PRELID2: variants seen among roughly 807,000 people sequenced by gnomAD.
The protein encoded by PRELID2 is PRELI domain containing 2.
PRELID2 carries 25 observed loss-of-function variants against 28.4 expected under a neutral mutation model. The ratio of observed to expected loss-of-function variants is 0.88; its 90% CI spans 0.64 to 1.23. The LOEUF (loss-of-function observed/expected upper bound fraction) is 1.23. PRELID2 is among the 50% of genes most tolerant of loss of function. The probability of loss-of-function intolerance (pLI) is 0.00; values close to 1 mark genes in which losing one functional copy is unlikely to be tolerated. For missense variants in PRELID2, 201 were observed against 214.4 expected (o/e 0.94, Z 0.39); for synonymous variants, 76 against 71.6 (o/e 1.06, Z -0.31).
intron 4 of PRELID2, among the ~76,000 whole-genome samples, chr5:145,797,218 T>C (rs1420169977): frequency 3.9e-5 from 6 of 152,162 alleles, no homozygotes; most frequent in South Asian, 2.1e-4. Flanking sequence ...CAAGCCTTCA[T>C]TACCCTGAGA....
At chr5:145,364,733 C>A in the PRELID2 span, among the ~76,000 whole-genome samples, 4 of 152,040 alleles carry the variant, frequency 2.6e-5, no homozygotes, top group African/African-American at 7.2e-5. Flanking sequence ...TATATGCAGA[C>A]AACACTTGGA....
the PRELID2 span, among the ~76,000 whole-genome samples, chr5:145,371,044 T>C: frequency 1.3e-5 from 2 of 152,106 alleles, no homozygotes; most frequent in African/African-American, 4.8e-5. Flanking sequence ...AAATATACAA[T>C]CATGTCATCT....
chr5:145,641,646 T>A (rs979058205), intron 1 of PRELID2, among the ~76,000 whole-genome samples: 1 of 152,200 alleles, frequency 6.6e-6, no homozygotes, highest in African/African-American at 2.4e-5. Flanking sequence ...TTTCTTCTAA[T>A]GCTATCCCTC....
chr5:145,653,766 T>C (rs570243120), intron 1 of PRELID2, among the ~76,000 whole-genome samples: 1 of 152,334 alleles, frequency 6.6e-6, no homozygotes, highest in Non-Finnish European at 1.5e-5. Context: ...GAGGGAAATT[T>C]ATAGCATTAA....
chr5:145,548,805 C>G (rs1231538021), intron 1 of PRELID2, among the ~76,000 whole-genome samples: 1 of 152,198 alleles, frequency 6.6e-6, no homozygotes, highest in African/African-American at 2.4e-5. Context: ...AAAGAGCTAA[C>G]TGCATCTCTT....
chr5:145,536,908 AC>A lies in PRELID2; in HGVS notation n.71-63594del, dbSNP rs531901497. On this transcript the variant is annotated intron_variant and non_coding_transcript_variant, in intron 1 of 2. Transcript: ENST00000510259. ...CACATTCACAGGAAGTCTAAATTAA[AC>A]AGAAGAAAGTAGAAGTTACAAGAAC... Among the ~76,000 whole-genome samples, 1,025 of 151,976 alleles carry A rather than the reference AC, an allele frequency of 6.7e-3. 13 individuals carry two copies. The highest frequency in any genetic ancestry group is 0.024 in the African/African-American group (988 of 41,514).
At chr5:145,676,233 A>T (rs879602532) in intron 1 of PRELID2, among the ~76,000 whole-genome samples, 7 of 149,048 alleles carry the variant, frequency 4.7e-5, no homozygotes, top group South Asian at 2.1e-4. Context: ...AAAAAAAAAA[A>T]AAAAAAAAAT....
intron 1 of PRELID2, among the ~76,000 whole-genome samples, chr5:145,740,052 T>TA (rs1177738170): frequency 1.3e-5 from 2 of 150,638 alleles, no homozygotes; most frequent in Non-Finnish European, 3.0e-5. Context: ...AAGAGTGGCT[T>TA]AAAAACCATG....
chr5:145,498,333 A>G (rs753710463), intron 1 of PRELID2, among the ~76,000 whole-genome samples: 1 of 152,204 alleles, frequency 6.6e-6, no homozygotes, highest in Non-Finnish European at 1.5e-5. Flanking sequence ...AATATGATAT[A>G]TGTTAACTGA....
chr5:145,511,229 G>A (rs1249008276), intron 1 of PRELID2, among the ~76,000 whole-genome samples: 2 of 152,210 alleles, frequency 1.3e-5, no homozygotes, highest in Admixed American at 6.5e-5. Context: ...TGATCTTCAA[G>A]AAATGCACAT....
intron 1 of PRELID2, among the ~76,000 whole-genome samples, chr5:145,512,718 C>T (rs1752472331): frequency 6.6e-6 from 1 of 152,206 alleles, no homozygotes; most frequent in African/African-American, 2.4e-5. Context: ...GGTCAACCGA[C>T]ACCTCATACA....
At chr5:145,295,546 C>CA in the PRELID2 span, among the ~76,000 whole-genome samples, 29 of 152,196 alleles carry the variant, frequency 1.9e-4, no homozygotes, top group Non-Finnish European at 3.7e-4. Flanking sequence ...TAGTACAGAA[C>CA]ACAAGGCAAC....
chr5:145,236,800 C>T, the PRELID2 span, among the ~76,000 whole-genome samples: 1 of 152,130 alleles, frequency 6.6e-6, no homozygotes, highest in Non-Finnish European at 1.5e-5. Flanking sequence ...GCCTTCCACA[C>T]CTTTAAGGAA....
intron 1 of PRELID2, among the ~76,000 whole-genome samples, chr5:145,574,757 C>A (rs921913843): frequency 6.6e-6 from 1 of 152,142 alleles, no homozygotes; most frequent in South Asian, 2.1e-4. Context: ...ATATAAAATG[C>A]TGTCACATTC....
At chr5:145,400,201 TACA>T in the PRELID2 span, among the ~76,000 whole-genome samples, 1 of 152,158 alleles carries the variant, frequency 6.6e-6, no homozygotes, top group Non-Finnish European at 1.5e-5. Context: ...TACAAATGTG[TACA>T]ACTAGTCCTG....
intron 1 of PRELID2, among the ~76,000 whole-genome samples, chr5:145,693,938 G>A (rs1755203825): frequency 1.3e-5 from 2 of 152,088 alleles, no homozygotes; most frequent in Non-Finnish European, 2.9e-5. Flanking sequence ...ATATTTTGAG[G>A]CAGCAAAAAT....
At chr5:145,805,476 G>T (rs900786604) in intron 4 of PRELID2, among the ~76,000 whole-genome samples, 1 of 152,120 alleles carries the variant, frequency 6.6e-6, no homozygotes, top group Non-Finnish European at 1.5e-5. Context: ...AGATTCATCA[G>T]GAGAACTTTA....
intron 1 of PRELID2, among the ~76,000 whole-genome samples, chr5:145,697,861 G>T (rs1437904202): frequency 6.6e-6 from 1 of 152,064 alleles, no homozygotes; most frequent in East Asian, 1.9e-4. Flanking sequence ...GACATTTTGT[G>T]ACATTTGAAG....
chr5:145,596,676 G>A (rs1231176919), intron 1 of PRELID2, among the ~76,000 whole-genome samples: 2 of 151,962 alleles, frequency 1.3e-5, no homozygotes, highest in African/African-American at 4.8e-5. Context: ...TCTCAGTGGG[G>A]ACCCCTGCGC....
Sources: allele counts gnomAD v4.1 joint callset (sites outside exome capture counted in the v4.1 genomes callset), GRCh38; gene constraint gnomAD v4.1.1; transcripts MANE v1.5; gene names NCBI Gene and HGNC (gene_info 2026-07-23, HGNC 2026-07-21).